The following SFRP1 variants were observed in gnomAD, a reference collection of about 807,000 sequenced individuals.
SFRP1 encodes the protein secreted frizzled related protein 1.
Under a neutral mutation model 25.9 loss-of-function variants are expected in SFRP1, and 9 were observed. That is an observed-to-expected ratio of 0.35 (90% CI 0.21 to 0.61). The LOEUF (loss-of-function observed/expected upper bound fraction) is 0.61. Among genes scored for constraint, SFRP1 ranks in the 20% least tolerant of loss-of-function variants. The pLI is 0.78. For missense variants in SFRP1, 346 were observed against 418.2 expected, an observed-to-expected ratio of 0.83 and a Z score of 1.51; for synonymous variants, 178 against 174.0, an observed-to-expected ratio of 1.02 and a Z score of -0.18.
At chr8:41,293,256 G>A (rs1284921994) in intron 2 of SFRP1, among the ~76,000 whole-genome samples, 1 of 152,178 alleles carries the variant, frequency 6.6e-6, no homozygotes, top group African/African-American at 2.4e-5. Flanking sequence ...GTACAGCCTT[G>A]CTGGGACCTC....
rs776439552 is a variant in SFRP1, at chr8:41,265,046, G to A, written c.*121C>T. On this transcript the variant is annotated 3_prime_UTR_variant, in exon 3 of 3. Transcript: ENST00000220772. ...GAATGCTGCAAGAACAAGCCGACTG[G>A]ATTACAATGTCCACTACTGACAGGC... is the stretch of plus-strand genomic sequence containing the variant. The A allele has an allele frequency of 5.8e-6, 4 of 688,448 alleles. No homozygotes were observed. The highest frequency in any genetic ancestry group is 9.7e-6 in the Non-Finnish European group (4 of 414,246). 42.6% of individuals were successfully genotyped at this position (688,448 alleles called of 1,614,324 possible).
intron 2 of SFRP1, among the ~76,000 whole-genome samples, chr8:41,273,441 G>A (rs1234616456): frequency 7.2e-5 from 11 of 152,046 alleles, no homozygotes; most frequent in Middle Eastern, 3.4e-3. Context: ...GCAGTGAGCC[G>A]AGATCATGCC....
intron 2 of SFRP1, among the ~76,000 whole-genome samples, chr8:41,288,459 C>T (rs1055825220): frequency 7.1e-6 from 1 of 140,536 alleles, no homozygotes; most frequent in South Asian, 2.3e-4. Flanking sequence ...ATCGCTTGAG[C>T]CCAGGAGTTC....
chr8:41,291,188 A>G (rs370747021), intron 2 of SFRP1, among the ~76,000 whole-genome samples: 12 of 152,012 alleles, frequency 7.9e-5, no homozygotes, highest in African/African-American at 2.9e-4. Context: ...GATTACAGGC[A>G]TGAGTCACCA....
intron 2 of SFRP1, among the ~76,000 whole-genome samples, chr8:41,278,218 A>T (rs1269501388): frequency 5.3e-5 from 8 of 152,158 alleles, no homozygotes; most frequent in Admixed American, 3.9e-4. Context: ...AGAATTGCTG[A>T]GGTCTCTTCC....
At position 41,262,934 on chromosome 8, in the gene SFRP1, G is replaced by T. The variant is rs1252292304; in HGVS notation, c.*2233C>A. 1.3e-5 allele frequency: 2 copies of T among 152,318 alleles called. No homozygotes were observed. The highest frequency in any genetic ancestry group is 2.1e-4 in the South Asian group (1 of 4,818). 9.4% of individuals were successfully genotyped at this position (152,318 alleles called of 1,614,324 possible). On this transcript the variant is annotated 3_prime_UTR_variant, in exon 3 of 3. Transcript: ENST00000220772. ...GAGACAGACGGTGGTAAAACCCACA[G>T]CTGCGATTCACATTTCCAATTTATT...
intron 2 of SFRP1, among the ~76,000 whole-genome samples, chr8:41,287,049 C>T (rs1247181458): frequency 6.6e-6 from 1 of 152,202 alleles, no homozygotes; most frequent in Non-Finnish European, 1.5e-5. Context: ...CAGTGGGACC[C>T]TACCACGGAA....
Position 41,309,261 on chromosome 8 carries a change from G to A in SFRP1, c.-102C>T, listed in dbSNP as rs1321581279. 1.7e-6 allele frequency: 2 copies of A among 1,203,250 alleles called. No homozygotes were observed. The highest frequency in any genetic ancestry group is 2.1e-6 in the Non-Finnish European group (2 of 962,980). The allele number at this position is 1,203,250 out of a possible 1,614,324, so 74.5% of individuals were successfully genotyped here. On this transcript the variant is annotated 5_prime_UTR_variant, in exon 1 of 3. Transcript: ENST00000220772. ...CCAGGGACCTCCGGGGACAAAAGGC[G>A]CAGTCCCCAGCGTTGCCCGGCTCCG... is the stretch of plus-strand genomic sequence containing the variant.
chr8:41,306,774 T>G, intron 1 of SFRP1: 3 of 1,598,128 alleles, frequency 1.9e-6, no homozygotes, highest in Non-Finnish European at 2.5e-6. Context: ...CAAGCCAGGC[T>G]GAGAAGGGCG....
chr8:41,293,650 T>C (rs1803804997), intron 2 of SFRP1, among the ~76,000 whole-genome samples: 1 of 151,974 alleles, frequency 6.6e-6, no homozygotes, highest in East Asian at 1.9e-4. Context: ...CCTTCAGTCC[T>C]GAGTGCTAGA....
chr8:41,280,080 G>T (rs906946091), intron 2 of SFRP1, among the ~76,000 whole-genome samples: 1 of 152,186 alleles, frequency 6.6e-6, no homozygotes, highest in African/African-American at 2.4e-5. Context: ...CTGAGCCTGG[G>T]CCCAAGCCAC....
At chr8:41,295,457 A>G (rs2117510459) in intron 2 of SFRP1, among the ~76,000 whole-genome samples, 1 of 151,928 alleles carries the variant, frequency 6.6e-6, no homozygotes, top group South Asian at 2.1e-4. Context: ...TGAACCCAGT[A>G]GGCAGAGGTT....
chr8:41,292,464 A>G (rs968875856), intron 2 of SFRP1, among the ~76,000 whole-genome samples: 6 of 152,046 alleles, frequency 3.9e-5, no homozygotes, highest in African/African-American at 1.4e-4. Flanking sequence ...ACCATATAAG[A>G]TGTGCCTGCT....
In SFRP1 at chr8:41,266,625, G is replaced by A. The variant is rs934096511; in HGVS notation, c.623-1136C>T. On this transcript the variant is annotated intron_variant, in intron 2 of 2. Coordinates refer to ENST00000220772, the MANE Select transcript of SFRP1 (RefSeq NM_003012.5). ...TGATTTTTTTTTTTTTTTAAGAGAC[G>A]GATCTTACTATGTTGCCCAGAACTC... 4.6e-5 allele frequency among the ~76,000 whole-genome samples: 7 copies of A among 150,594 alleles called. No homozygotes were observed. In the East Asian group the frequency reaches 7.8e-4, roughly 17 times the overall value.
In SFRP1 at chr8:41,265,112, T is replaced by TCCCCCCCCC; in HGVS notation, c.*54_*55insGGGGGGGGG. On this transcript the variant is annotated 3_prime_UTR_variant, in exon 3 of 3. Transcript: ENST00000220772. The stretch of plus-strand genomic sequence containing the variant: ...GACCCACCGGGTTCCCGGGGCACTG[T>TCCCCCCCCC]CCCCCCCGCTCCCACCCCACCCGAG... 7 of 517,774 alleles carry TCCCCCCCCC rather than the reference T, an allele frequency of 1.4e-5. No homozygotes were observed. The highest frequency in any genetic ancestry group is 1.1e-4 in the East Asian group (3 of 28,056). The allele number at this position is 517,774 out of a possible 1,614,324, so 32.1% of individuals were successfully genotyped here.
intron 2 of SFRP1, among the ~76,000 whole-genome samples, chr8:41,279,818 C>A (rs1803612883): frequency 6.6e-6 from 1 of 152,028 alleles, no homozygotes; most frequent in South Asian, 2.1e-4. Flanking sequence ...TCATCCTCGC[C>A]ATCACATGAT....
At position 41,309,173 on chromosome 8, in the gene SFRP1, CCTGTT is replaced by C. The variant is rs1804039728; in HGVS notation, c.-19_-15del. The C allele has an allele frequency of 7.6e-7, 1 of 1,316,562 alleles. No homozygotes were observed. The highest frequency in any genetic ancestry group is 1.5e-5 in the African/African-American group (1 of 64,552). The allele number at this position is 1,316,562 out of a possible 1,614,324, so 81.6% of individuals were successfully genotyped here. ...CCCGATGCCCATGCCGGCTCTGCGCCCTGTTCTCCGCGACGTCGGGGCTGCCTCCG... is the reference window on the plus strand; with the variant it reads ...CCCGATGCCCATGCCGGCTCTGCGCCCTCCGCGACGTCGGGGCTGCCTCCG... On this transcript the variant is annotated 5_prime_UTR_variant, in exon 1 of 3. Coordinates refer to ENST00000220772, the MANE Select transcript of SFRP1 (RefSeq NM_003012.5).
At chr8:41,287,316 G>C (rs1019192273) in intron 2 of SFRP1, among the ~76,000 whole-genome samples, 29 of 152,196 alleles carry the variant, frequency 1.9e-4, no homozygotes, top group African/African-American at 6.8e-4. Context: ...GTGCCAGCTT[G>C]TTTTCTCTCA....
At position 41,265,425 on chromosome 8, in the gene SFRP1, C is replaced by A. The variant is rs1474369734; in HGVS notation, c.687G>T (p.Lys229Asn). Residue 229 changes from lysine (K) to asparagine (N), a missense_variant, in exon 3 of 3, where the codon AAG becomes AAT. By Grantham distance (94) the Lys-to-Asn change is moderately conservative (BLOSUM62 0). Transcript: ENST00000220772. ...TGGGCCCCAACTTCAGGGGCTTCTT[C>A]TTCTTGGGGACAATCTTCTTGTCGC... The part of the protein sequence containing the change: ...ENGDKKIVPK[K>N]KKPLKLGPIK... The A allele has an allele frequency of 2.5e-6, 4 of 1,612,428 alleles. No homozygotes were observed. The highest frequency in any genetic ancestry group is 1.1e-5 in the South Asian group (1 of 90,550).
Sources: allele counts gnomAD v4.1 joint callset (sites outside exome capture counted in the v4.1 genomes callset), GRCh38; gene constraint gnomAD v4.1.1; transcripts MANE v1.5; gene names NCBI Gene and HGNC (gene_info 2026-07-23, HGNC 2026-07-21).